CD3D: variants seen among roughly 807,000 people sequenced by gnomAD.
CD3D encodes T-cell surface glycoprotein CD3 delta chain.
Under a neutral mutation model 22.0 loss-of-function variants are expected in CD3D, and 22 were observed. The observed-to-expected ratio is 1.00, with a 90% CI of 0.71 to 1.43. CD3D has a LOEUF of 1.43. CD3D is among the 40% of genes most tolerant of loss of function. The probability of loss-of-function intolerance (pLI) is 0.00; values close to 1 mark genes in which losing one functional copy is unlikely to be tolerated. For synonymous variants in CD3D, 74 were observed against 81.2 expected, an observed-to-expected ratio of 0.91 and a Z score of 0.48; for missense variants, 205 against 211.7, an observed-to-expected ratio of 0.97 and a Z score of 0.20.
chr11:118,341,087 A>T, intron 1 of CD3D: 1 of 398,646 alleles, frequency 2.5e-6, no homozygotes, highest in Non-Finnish European at 5.1e-6. Context: ...TCCATTGACA[A>T]CCAAGAAAGC....
chr11:118,342,418 A>G, intron 1 of CD3D, 135 bp downstream of exon 1: 1 of 756,128 alleles, frequency 1.3e-6, no homozygotes, highest in South Asian at 1.4e-5. Context: ...GGATCCTCCC[A>G]CTTCGGCCTC....
rs879255345 is a variant in CD3D at position 118,340,587 on chromosome 11, G to T, written c.62C>A (p.Pro21His). The T allele has an allele frequency of 9.3e-6, 15 of 1,611,348 alleles. No individual in the cohort carries two copies. Among genetic ancestry groups the T allele is most frequent in the Non-Finnish European group, 2.5e-6 (3 of 1,177,884 alleles). Residue 21 changes from proline (P) to histidine (H), a missense_variant, in exon 2 of 5, where the codon CCC becomes CAC. Transcript: ENST00000300692. Reference protein sequence around the residue: ...VLATLLSQVSPFKIPIEELED... With the variant: ...VLATLLSQVSHFKIPIEELED... ...AAGTTCCTCTATAGGTATCTTGAAG[G>T]GGCTCACTAAAGGGGAAAAAATATC...
chr11:118,339,285 G>A (rs1948277479), intron 4 of CD3D, 58 bp from the exon 5 acceptor site: 11 of 1,545,440 alleles, frequency 7.1e-6, no homozygotes, highest in Middle Eastern at 1.9e-4. Flanking sequence ...TCAAGGAAGG[G>A]CCCCAGCAGG....
intron 1 of CD3D, 24 bp downstream of exon 1, chr11:118,342,529 C>G: frequency 6.2e-7 from 1 of 1,610,716 alleles, no homozygotes; most frequent in Non-Finnish European, 8.5e-7. Context: ...GGTCCCTTCC[C>G]CCACCCACCT....
intron 1 of CD3D, 65 bp downstream of exon 1, chr11:118,342,488 G>A: frequency 3.5e-6 from 5 of 1,413,362 alleles, no homozygotes; most frequent in Non-Finnish European, 5.0e-6. Flanking sequence ...CTTTCAAGTG[G>A]GCCTCACTCC....
intron 4 of CD3D, 35 bp downstream of exon 4, chr11:118,339,416 C>CCCTTCATT (rs1280176855): frequency 1.2e-6 from 2 of 1,611,678 alleles, no homozygotes; most frequent in South Asian, 2.2e-5. Flanking sequence ...CACTTACCCT[C>CCCTTCATT]CCTTCATTCC....
chr11:118,341,199 G>A (rs140991987), intron 1 of CD3D, among the ~76,000 whole-genome samples: 59 of 152,286 alleles, frequency 3.9e-4, no homozygotes, highest in African/African-American at 1.3e-3. Flanking sequence ...GGTCCAGAAC[G>A]GGACCAGGGC....
intron 2 of CD3D, 40 bp downstream of exon 2, chr11:118,340,335 C>A (rs1396613351): frequency 2.7e-6 from 4 of 1,480,422 alleles, no homozygotes; most frequent in Non-Finnish European, 3.8e-6. Flanking sequence ...CATCCAGAAG[C>A]CCTATCCATT....
At chr11:118,339,713 C>CAG (rs1948282105) in intron 3 of CD3D, 62 bp downstream of exon 3, 2 of 981,500 alleles carry the variant, frequency 2.0e-6, no homozygotes, top group Non-Finnish European at 2.7e-6. Flanking sequence ...CACTGGTACA[C>CAG]ACACACACAC....
At chr11:118,339,669 C>A in intron 3 of CD3D, 106 bp downstream of exon 3, 1 of 1,573,210 alleles carries the variant, frequency 6.4e-7, no homozygotes, top group Non-Finnish European at 8.7e-7. Flanking sequence ...ACTAAACCTA[C>A]CACCAGCCCC....
intron 2 of CD3D, 66 bp downstream of exon 2, chr11:118,340,309 A>G: frequency 7.9e-7 from 1 of 1,261,872 alleles, no homozygotes; most frequent in East Asian, 2.3e-5. Context: ...ATCCCTCTCT[A>G]GCCAGAAAGT....
At chr11:118,341,218 TGTACA>T (rs1329226317) in intron 1 of CD3D, among the ~76,000 whole-genome samples, 3 of 152,144 alleles carry the variant, frequency 2.0e-5, no homozygotes, top group Non-Finnish European at 2.9e-5. Context: ...GCAAATCCCA[TGTACA>T]GTTTTCCACC....
At chr11:118,340,008 C>A in intron 2 of CD3D, 102 bp from the exon 3 acceptor site, 1 of 1,416,540 alleles carries the variant, frequency 7.1e-7, no homozygotes, top group East Asian at 2.3e-5. Flanking sequence ...TGCCAAAACC[C>A]AAACTTCAAT....
chr11:118,339,753 C>T (rs760813715), intron 3 of CD3D, 22 bp downstream of exon 3: 2 of 1,613,238 alleles, frequency 1.2e-6, no homozygotes, highest in African/African-American at 1.3e-5. Context: ...AACACACTCT[C>T]ATGCTCTGCT....
In CD3D at chr11:118,342,659, C is replaced by G. The variant is rs1948311676; in HGVS notation, c.-52G>C. The stretch of plus-strand genomic sequence containing the variant: ...AAAGCCAGGTCACCGAACTATCAGC[C>G]TGGGTGAGAGCTGCCCTCCCCTAGC... On this transcript the variant is annotated 5_prime_UTR_variant, in exon 1 of 5. Transcript: ENST00000300692. 1 of 1,533,126 alleles carries G rather than the reference C, an allele frequency of 6.5e-7. No individual in the cohort carries two copies. The highest frequency in any genetic ancestry group is 9.0e-7 in the Non-Finnish European group (1 of 1,107,002). 95.0% of individuals were successfully genotyped at this position (1,533,126 alleles called of 1,614,324 possible). A position where few individuals can be genotyped will look rare whatever the true frequency, so the allele number is the denominator to read the frequency against.
At chr11:118,341,441 G>A (rs915287558) in intron 1 of CD3D, among the ~76,000 whole-genome samples, 1 of 152,186 alleles carries the variant, frequency 6.6e-6, no homozygotes, top group African/African-American at 2.4e-5. Flanking sequence ...GAAAAGTGGA[G>A]GCTACATTCA....
At chr11:118,339,336 C>T (rs1046229222) in intron 4 of CD3D, 109 bp from the exon 5 acceptor site, 2 of 1,485,154 alleles carry the variant, frequency 1.3e-6, no homozygotes, top group South Asian at 1.1e-5. Context: ...TCCAGTCACA[C>T]CCAGCAATGA....
At position 118,342,651 on chromosome 11, in the gene CD3D, C is replaced by A; in HGVS notation, c.-44G>T. Reference sequence around the variant, plus strand: ...CAGTAGATAAAGCCAGGTCACCGAACTATCAGCCTGGGTGAGAGCTGCCCT... The same window carrying A: ...CAGTAGATAAAGCCAGGTCACCGAAATATCAGCCTGGGTGAGAGCTGCCCT... On this transcript the variant is annotated 5_prime_UTR_variant, in exon 1 of 5. Transcript: ENST00000300692. 6.3e-7 allele frequency: 1 copy of A among 1,574,896 alleles called. No individual in the cohort carries two copies. Among genetic ancestry groups the A allele is most frequent in the Non-Finnish European group, 8.7e-7 (1 of 1,144,604 alleles).
rs1565517208 is a variant in CD3D at position 118,339,075 on chromosome 11, T to C, written c.*87A>G. The C allele has an allele frequency of 1.6e-6, 2 of 1,214,474 alleles. No homozygotes were observed. Among genetic ancestry groups the C allele is most frequent in the Non-Finnish European group, 2.5e-6 (2 of 815,992 alleles). 75.2% of individuals were successfully genotyped at this position (1,214,474 alleles called of 1,614,324 possible). On this transcript the variant is annotated 3_prime_UTR_variant, in exon 5 of 5. Transcript: ENST00000300692. ...AGCCTTAAGAAGCCCAGGCACCTGC[T>C]GAGTGAAAGAGGATATATTTATTGG...
Sources: gnomAD v4.1 joint callset for allele counts (sites outside exome capture counted in the v4.1 genomes callset) on GRCh38, gnomAD v4.1.1 for gene constraint, MANE v1.5 for transcripts, NCBI Gene and HGNC (gene_info 2026-07-23, HGNC 2026-07-21) for gene names.